The following DLGAP1 variants were observed in gnomAD, a reference collection of about 807,000 sequenced individuals.
The protein encoded by DLGAP1 is disks large-associated protein 1.
A neutral mutation model predicts 90.8 loss-of-function variants in DLGAP1; 11 were observed. The ratio of observed to expected loss-of-function variants is 0.12; its 90% CI spans 0.08 to 0.20. The LOEUF (loss-of-function observed/expected upper bound fraction) is 0.20. DLGAP1 is among the 10% of genes least tolerant of loss of function. The pLI, the probability that DLGAP1 is intolerant of heterozygous loss-of-function variation, is 1.00. For missense variants in DLGAP1, 1,050 were observed against 1,333.8 expected (o/e 0.79, Z 3.31); for synonymous variants, 558 against 540.7 (o/e 1.03, Z -0.44).
intron 4 of DLGAP1, 42 bp from the exon 5 acceptor site, chr18:3,814,315 C>T: frequency 2.0e-6 from 3 of 1,521,950 alleles, no homozygotes; most frequent in Non-Finnish European, 1.8e-6. Context: ...TTATAAAAGC[C>T]TACCTTTTTC....
At chr18:3,535,752 C>A (rs1357236491) in intron 9 of DLGAP1, among the ~76,000 whole-genome samples, 1 of 151,142 alleles carries the variant, frequency 6.6e-6, no homozygotes, top group Non-Finnish European at 1.5e-5. Context: ...GGAAGAAAGG[C>A]CGTGCGCAGT....
At chr18:4,072,958 A>G (rs1231473661) in intron 2 of DLGAP1, among the ~76,000 whole-genome samples, 4 of 152,166 alleles carry the variant, frequency 2.6e-5, no homozygotes, top group African/African-American at 9.7e-5. Context: ...AAGAACGTGG[A>G]CTTCAGAGTA....
At chr18:3,631,729 A>G (rs1294920064) in intron 7 of DLGAP1, among the ~76,000 whole-genome samples, 2 of 152,214 alleles carry the variant, frequency 1.3e-5, no homozygotes, top group African/African-American at 2.4e-5. Context: ...CCTGGGCAAC[A>G]AAGCAAGATC....
intron 3 of DLGAP1, among the ~76,000 whole-genome samples, chr18:3,965,023 ACCTGG>A (rs906519780): frequency 6.6e-6 from 1 of 152,098 alleles, no homozygotes; most frequent in Non-Finnish European, 1.5e-5. Context: ...AATCCTAACC[ACCTGG>A]CCAGAGGGTG....
intron 1 of DLGAP1, among the ~76,000 whole-genome samples, chr18:4,318,730 C>T (rs114955273): frequency 2.7e-3 from 409 of 152,298 alleles, no homozygotes; most frequent in African/African-American, 9.5e-3. Context: ...TAAAAAAACT[C>T]AGTGTACTCA....
chr18:3,696,140 A>C (rs1210849186), intron 7 of DLGAP1, among the ~76,000 whole-genome samples: 1 of 152,234 alleles, frequency 6.6e-6, no homozygotes, highest in African/African-American at 2.4e-5. Flanking sequence ...TGTCATCTGC[A>C]AACAGAGACA....
intron 5 of DLGAP1, 55 bp from the exon 6 acceptor site, chr18:3,742,567 A>C: frequency 6.3e-7 from 1 of 1,597,508 alleles, no homozygotes; most frequent in Non-Finnish European, 8.6e-7. Flanking sequence ...TGCAGGAAGC[A>C]ATAACATGTG....
At position 4,009,293 on chromosome 18, in the gene DLGAP1, C is replaced by T. The variant is rs149565173; in HGVS notation, c.-158-4092G>A. 2.0e-3 allele frequency among the ~76,000 whole-genome samples: 297 copies of T among 152,284 alleles called. 3 individuals carry two copies. The highest frequency in any genetic ancestry group is 4.6e-4 in the Non-Finnish European group (31 of 68,008). ...AATGAGCGGATGCGGATCATCAGGT[C>T]GCTGCTTTCCCGTCTGGCATCACTA... On this transcript the variant is annotated intron_variant, in intron 2 of 12. Coordinates refer to ENST00000315677, the MANE Select transcript of DLGAP1 (RefSeq NM_004746.4).
intron 4 of DLGAP1, among the ~76,000 whole-genome samples, chr18:3,860,016 G>A (rs1000599945): frequency 2.0e-5 from 3 of 151,712 alleles, no homozygotes; most frequent in East Asian, 3.9e-4. Flanking sequence ...GGAGAATGGC[G>A]TGAACCTGGG....
intron 1 of DLGAP1, among the ~76,000 whole-genome samples, chr18:4,382,548 C>T (rs1276156979): frequency 6.8e-6 from 1 of 146,756 alleles, no homozygotes; most frequent in South Asian, 2.1e-4. Flanking sequence ...AAGTTCCTTA[C>T]TCTGTAACTA....
intron 1 of DLGAP1, among the ~76,000 whole-genome samples, chr18:4,406,138 G>A (rs2082659734): frequency 6.6e-6 from 1 of 152,206 alleles, no homozygotes; most frequent in South Asian, 2.1e-4. Context: ...GGTTGTGAGA[G>A]GGGACCAATC....
At chr18:3,971,420 A>G (rs1226324829) in intron 3 of DLGAP1, among the ~76,000 whole-genome samples, 1 of 152,174 alleles carries the variant, frequency 6.6e-6, no homozygotes, top group African/African-American at 2.4e-5. Flanking sequence ...TACATAAGAC[A>G]TTTATAAAAT....
At chr18:3,665,260 C>T (rs187666500) in intron 7 of DLGAP1, among the ~76,000 whole-genome samples, 1 of 152,136 alleles carries the variant, frequency 6.6e-6, no homozygotes, top group Admixed American at 6.5e-5. Context: ...ATCAGGAGCT[C>T]TTCCCCCTCC....
chr18:4,404,147 G>A (rs1275051600), intron 1 of DLGAP1, among the ~76,000 whole-genome samples: 1 of 152,154 alleles, frequency 6.6e-6, no homozygotes, highest in Non-Finnish European at 1.5e-5. Flanking sequence ...TGATAAAAAT[G>A]TTCCTTATCC....
chr18:4,140,666 A>T (rs1184757381), intron 2 of DLGAP1, among the ~76,000 whole-genome samples: 2 of 152,008 alleles, frequency 1.3e-5, no homozygotes, highest in Admixed American at 6.6e-5. Flanking sequence ...ATTGTTGCTC[A>T]TCAAAGTCCT....
chr18:4,304,576 G>A (rs988488295), intron 1 of DLGAP1, among the ~76,000 whole-genome samples: 1 of 152,180 alleles, frequency 6.6e-6, no homozygotes, highest in Non-Finnish European at 1.5e-5. Context: ...TATTGCAGAA[G>A]CTTCTTTAAG....
At chr18:4,431,800 T>C (rs562575827) in intron 1 of DLGAP1, among the ~76,000 whole-genome samples, 5 of 152,332 alleles carry the variant, frequency 3.3e-5, no homozygotes, top group Admixed American at 3.3e-4. Flanking sequence ...AGAGTTCTCT[T>C]ATTAGATTGG....
At chr18:3,758,880 A>AACAAAACAAAAAT (rs1555656578) in intron 5 of DLGAP1, among the ~76,000 whole-genome samples, 1 of 152,176 alleles carries the variant, frequency 6.6e-6, no homozygotes, top group Non-Finnish European at 1.5e-5. Context: ...GCAACAACAC[A>AACAAAACAAAAAT]GTTTTCCTTA....
At chr18:3,832,318 G>A (rs546914294) in intron 4 of DLGAP1, among the ~76,000 whole-genome samples, 2 of 152,280 alleles carry the variant, frequency 1.3e-5, no homozygotes, top group Admixed American at 1.3e-4. Flanking sequence ...TATTTCATTT[G>A]AGAAAGGCTT....
Sources: allele counts gnomAD v4.1 joint callset (sites outside exome capture counted in the v4.1 genomes callset), GRCh38; gene constraint gnomAD v4.1.1; transcripts MANE v1.5; gene names NCBI Gene and HGNC (gene_info 2026-07-23, HGNC 2026-07-21).